STXBP5L: variants seen among roughly 807,000 people sequenced by gnomAD.
STXBP5L encodes syntaxin binding protein 5L, also known as syntaxin-binding protein 5-like.
Under a neutral mutation model 144.5 loss-of-function variants are expected in STXBP5L, and 65 were observed. The observed-to-expected ratio is 0.45, with a 90% CI of 0.37 to 0.55. STXBP5L has a LOEUF of 0.55. Among genes scored for constraint, STXBP5L ranks in the 20% least tolerant of loss-of-function variants. The pLI, the probability that STXBP5L is intolerant of heterozygous loss-of-function variation, is 0.00. For synonymous variants in STXBP5L, 505 were observed against 469.6 expected (o/e 1.08, Z -0.97); for missense variants, 1,298 against 1,405.5 (o/e 0.92, Z 1.22).
At chr3:121,014,642 C>A (rs1245646121) in intron 3 of STXBP5L, among the ~76,000 whole-genome samples, 3 of 151,912 alleles carry the variant, frequency 2.0e-5, no homozygotes, top group African/African-American at 7.2e-5. Context: ...TATTTAACTT[C>A]ATAGGAAATT....
chr3:121,264,504 C>G (rs191533316), intron 18 of STXBP5L, among the ~76,000 whole-genome samples: 21 of 152,280 alleles, frequency 1.4e-4, no homozygotes, highest in African/African-American at 5.1e-4. Flanking sequence ...AAAACCGGTA[C>G]TAGCCACTGC....
intron 12 of STXBP5L, among the ~76,000 whole-genome samples, chr3:121,234,815 T>C (rs2049420855): frequency 1.3e-5 from 2 of 152,070 alleles, no homozygotes; most frequent in South Asian, 4.1e-4. Context: ...TAAGGATTTA[T>C]GCTTATTCTT....
chr3:121,284,353 A>G (rs1327109521), intron 19 of STXBP5L, among the ~76,000 whole-genome samples: 6 of 152,036 alleles, frequency 3.9e-5, no homozygotes, highest in Non-Finnish European at 8.8e-5. Flanking sequence ...TTTACTTTCT[A>G]TAGTAAGCCT....
At chr3:121,124,258 T>C (rs2044604807) in intron 7 of STXBP5L, among the ~76,000 whole-genome samples, 1 of 151,904 alleles carries the variant, frequency 6.6e-6, no homozygotes, top group Non-Finnish European at 1.5e-5. Flanking sequence ...GGTAAGCTGG[T>C]CCCTTTTCTT....
At chr3:121,310,519 G>A (rs2043489974) in intron 19 of STXBP5L, among the ~76,000 whole-genome samples, 1 of 151,714 alleles carries the variant, frequency 6.6e-6, no homozygotes, top group South Asian at 2.1e-4. Context: ...GAAGGCTGAG[G>A]CAGGAGAGGG....
chr3:121,175,156 A>C (rs2046883588), intron 9 of STXBP5L, among the ~76,000 whole-genome samples: 1 of 152,146 alleles, frequency 6.6e-6, no homozygotes, highest in South Asian at 2.1e-4. Context: ...ATAACAATAG[A>C]TACAACTGGA....
intron 2 of STXBP5L, among the ~76,000 whole-genome samples, chr3:120,919,860 C>A (rs924449096): frequency 6.6e-6 from 1 of 151,794 alleles, no homozygotes; most frequent in African/African-American, 2.4e-5. Flanking sequence ...TGTTTTATAA[C>A]TTTTATGAAA....
intron 9 of STXBP5L, among the ~76,000 whole-genome samples, chr3:121,161,769 A>G (rs1049568729): frequency 6.6e-6 from 1 of 152,146 alleles, no homozygotes; most frequent in African/African-American, 2.4e-5. Context: ...ACATACATAT[A>G]CAACACATAT....
At chr3:121,180,489 A>G (rs1227698317) in intron 9 of STXBP5L, among the ~76,000 whole-genome samples, 1 of 152,234 alleles carries the variant, frequency 6.6e-6, no homozygotes, top group Admixed American at 6.5e-5. Flanking sequence ...AACTCCTTAA[A>G]CCGTGAAGCT....
chr3:121,093,609 A>T (rs535042362), intron 5 of STXBP5L, among the ~76,000 whole-genome samples: 4 of 152,156 alleles, frequency 2.6e-5, no homozygotes, highest in Non-Finnish European at 4.4e-5. Context: ...CTGTGGGATC[A>T]GTGGTGATAT....
At chr3:121,167,746 G>A (rs1334240459) in intron 9 of STXBP5L, among the ~76,000 whole-genome samples, 2 of 152,184 alleles carry the variant, frequency 1.3e-5, no homozygotes, top group Admixed American at 6.6e-5. Context: ...GGGTGGCTGT[G>A]GGTGCAGCTT....
At chr3:120,982,447 A>G (rs1421068471) in intron 3 of STXBP5L, among the ~76,000 whole-genome samples, 1 of 152,188 alleles carries the variant, frequency 6.6e-6, no homozygotes, top group Non-Finnish European at 1.5e-5. Flanking sequence ...TGGCTGCACC[A>G]GCTTCACATC....
chr3:120,980,440 T>A lies in STXBP5L; in HGVS notation c.287+25403T>A, dbSNP rs140984799. Among the ~76,000 whole-genome samples the A allele has an allele frequency of 5.5e-3, 821 of 149,576 alleles. 7 individuals carry two copies. The highest frequency in any genetic ancestry group is 0.019 in the African/African-American group (773 of 40,484). ...TATTTTCTTGTTGAATTTATCACTT[T>A]ATCACCATATAATGTCCTGCTTTTT... On this transcript the variant is annotated intron_variant, in intron 3 of 26. Coordinates refer to ENST00000471454, the MANE Select transcript of STXBP5L (RefSeq NM_001308330.2).
intron 20 of STXBP5L, among the ~76,000 whole-genome samples, chr3:121,361,496 CT>C (rs1250337936): frequency 6.6e-6 from 1 of 151,768 alleles, no homozygotes; most frequent in Non-Finnish European, 1.5e-5. Context: ...TTTCTTTTGT[CT>C]CTTCTGATTA....
chr3:120,991,481 G>T lies in STXBP5L; in HGVS notation c.287+36444G>T, dbSNP rs529729327. Among the ~76,000 whole-genome samples, 550 of 152,252 alleles carry T rather than the reference G, an allele frequency of 3.6e-3. 3 individuals are homozygous for T. Among genetic ancestry groups the T allele is most frequent in the Non-Finnish European group, 5.5e-3 (377 of 68,028 alleles). On this transcript the variant is annotated intron_variant, in intron 3 of 26. Coordinates refer to ENST00000471454, the MANE Select transcript of STXBP5L (RefSeq NM_001308330.2). ...TTTGACCCAGCCATCCCATTACTGGGTATATACCCAAAGGATTATAAATCA... is the reference window on the plus strand; with the variant it reads ...TTTGACCCAGCCATCCCATTACTGGTTATATACCCAAAGGATTATAAATCA...
At chr3:121,177,675 G>A (rs1435280687) in intron 9 of STXBP5L, among the ~76,000 whole-genome samples, 1 of 152,126 alleles carries the variant, frequency 6.6e-6, no homozygotes, top group Non-Finnish European at 1.5e-5. Flanking sequence ...GTGCACTGTT[G>A]GTGCAAATTT....
chr3:120,997,664 G>C (rs1056869612), intron 3 of STXBP5L, among the ~76,000 whole-genome samples: 1 of 151,930 alleles, frequency 6.6e-6, no homozygotes, highest in African/African-American at 2.4e-5. Context: ...AGCTTTTGTA[G>C]TCTGGATATT....
At chr3:121,175,220 T>G (rs2046886437) in intron 9 of STXBP5L, among the ~76,000 whole-genome samples, 1 of 152,106 alleles carries the variant, frequency 6.6e-6, no homozygotes, top group Non-Finnish European at 1.5e-5. Flanking sequence ...AAAAACCCTC[T>G]GGCAAATAGC....
chr3:121,095,580 G>T (rs775689005), intron 5 of STXBP5L, among the ~76,000 whole-genome samples: 28 of 152,214 alleles, frequency 1.8e-4, no homozygotes, highest in Non-Finnish European at 3.5e-4. Context: ...GATCGAATCG[G>T]CTACTGAAGC....
Sources: allele counts gnomAD v4.1 joint callset (sites outside exome capture counted in the v4.1 genomes callset), GRCh38; gene constraint gnomAD v4.1.1; transcripts MANE v1.5; gene names NCBI Gene and HGNC (gene_info 2026-07-23, HGNC 2026-07-21).